Variants in SLC9A3 observed in about 807,000 individuals in gnomAD.
The protein encoded by SLC9A3 is sodium/hydrogen exchanger 3.
Under a neutral mutation model 86.8 loss-of-function variants are expected in SLC9A3, and 37 were observed. The ratio of observed to expected loss-of-function variants is 0.43; its 90% confidence interval spans 0.33 to 0.56. The LOEUF (loss-of-function observed/expected upper bound fraction) is 0.56. Ranked by LOEUF, SLC9A3 falls within the 20% of genes least tolerant of loss-of-function variation. SLC9A3 has a pLI of 0.06. For synonymous variants in SLC9A3, 581 were observed against 528.3 expected (o/e 1.10, Z -1.37); for missense variants, 1,011 against 1,171.9 (o/e 0.86, Z 2.00).
chr5:475,902 G>C, intron 14 of SLC9A3, 118 bp downstream of exon 14: 1 of 917,776 alleles, frequency 1.1e-6, no homozygotes, highest in Non-Finnish European at 1.6e-6. Flanking sequence ...CCCTGCCTGG[G>C]TGGCTGGAGG....
Position 473,307 on chromosome 5 carries a change from ACAG to A in SLC9A3, c.*69_*71del. On this transcript the variant is annotated 3_prime_UTR_variant, in exon 17 of 17. Coordinates refer to ENST00000264938, the MANE Select transcript of SLC9A3 (RefSeq NM_004174.4). ...CGCGGGGATCTGGGGTTTCTCTGGG[ACAG>A]CGGCGGCGGCGGTGGGCGGACCGTG... The A allele has an allele frequency of 2.9e-6, 4 of 1,364,112 alleles. No homozygotes were observed. Among genetic ancestry groups the A allele is most frequent in the South Asian group, 1.7e-5 (1 of 59,534 alleles). The allele number at this position is 1,364,112 out of a possible 1,614,324, so 84.5% of individuals were successfully genotyped here.
At chr5:475,969 T>C in intron 14 of SLC9A3, 51 bp downstream of exon 14, 1 of 1,474,166 alleles carries the variant, frequency 6.8e-7, no homozygotes, top group Non-Finnish European at 9.3e-7. Flanking sequence ...GGGCTGGGGC[T>C]GGGAGGTGGT....
Position 487,815 on chromosome 5 carries a change from G to A in SLC9A3, c.675+501C>T, listed in dbSNP as rs542978115. ...CCCCAGTAGCTGGGATTACAGGCGC[G>A]TGCCACCACCCCTGGCTAATTTTTG... On this transcript the variant is annotated intron_variant, in intron 3 of 16. Transcript: ENST00000264938. 5.3e-3 allele frequency among the ~76,000 whole-genome samples: 804 copies of A among 152,282 alleles called. 1 individual carries two copies. Among genetic ancestry groups the A allele is most frequent in the Non-Finnish European group, 7.6e-3 (520 of 68,030 alleles).
intron 1 of SLC9A3, among the ~76,000 whole-genome samples, chr5:507,928 C>A (rs1213560097): frequency 7.2e-6 from 1 of 139,792 alleles, no homozygotes; most frequent in Admixed American, 7.1e-5. Context: ...ACCCCACAGA[C>A]GCCCGAATCT....
chr5:489,611 C>T (rs1203268483), intron 2 of SLC9A3, among the ~76,000 whole-genome samples: 1 of 152,220 alleles, frequency 6.6e-6, no homozygotes, highest in Non-Finnish European at 1.5e-5. Context: ...GAGGAAGTGA[C>T]AGATGCCAGA....
rs143077741 is a variant in SLC9A3, at chr5:517,942, C to T, written c.211+6170G>A. 2.8e-3 allele frequency among the ~76,000 whole-genome samples: 426 copies of T among 152,240 alleles called. 8 individuals carry two copies. Among genetic ancestry groups the T allele is most frequent in the African/African-American group, 9.7e-3 (404 of 41,548 alleles). ...CATCCATTCACTCCATTCATCCATT[C>T]GCTCATCCACCCTTCCATCCATTTA... is the stretch of plus-strand genomic sequence containing the variant. On this transcript the variant is annotated intron_variant, in intron 1 of 16. Transcript: ENST00000264938.
rs573074261 is a variant in SLC9A3, at chr5:481,836, C to G, written c.1447-201G>C. 3.1e-3 allele frequency among the ~76,000 whole-genome samples: 305 copies of G among 99,578 alleles called. 1 individual carries two copies. The highest frequency in any genetic ancestry group is 5.0e-3 in the Non-Finnish European group (244 of 48,626). The allele number at this position is 99,578 out of a possible 152,430, so 65.3% of individuals were successfully genotyped here. A position where few individuals can be genotyped will look rare whatever the true frequency, so the allele number is the denominator to read the frequency against. Reference sequence around the variant, plus strand: ...CGCCACCCCCCAAGCCCCAGACCAACGCAGCCTCCTCTCCCCTCTCAGCCC... The same window carrying G: ...CGCCACCCCCCAAGCCCCAGACCAAGGCAGCCTCCTCTCCCCTCTCAGCCC... On this transcript the variant is annotated intron_variant, in intron 8 of 16. Coordinates refer to ENST00000264938, the MANE Select transcript of SLC9A3 (RefSeq NM_004174.4).
chr5:483,551 G>GC (rs1167054189), intron 5 of SLC9A3, 69 bp from the exon 6 acceptor site: 2 of 1,105,378 alleles, frequency 1.8e-6, no homozygotes, highest in East Asian at 2.6e-5. Context: ...TGTCCGCCCA[G>GC]CCCCCCACGG....
At chr5:473,465 C>G (rs10474783) in intron 16 of SLC9A3, 83 bp from the exon 17 acceptor site, 4 of 1,189,224 alleles carry the variant, frequency 3.4e-6, no homozygotes, top group African/African-American at 3.2e-5. Flanking sequence ...CAGCTGTCCC[C>G]GAGCCCGGCG....
In SLC9A3 at chr5:475,568, G is replaced by A. The variant is rs1436350864; in HGVS notation, c.2244C>T (p.Ser748=). ...ASVTKDTASD[S]PAGIDNPVFS... The stretch of plus-strand genomic sequence containing the variant: ...CCTGTGCCCCGTCCCCACCTGCAGG[G>A]GAGTCGGACGCTGTGTCCTTGGTGA... Residue 748 remains serine (S), a synonymous_variant, in exon 15 of 17, where the codon TCC becomes TCT. Transcript: ENST00000264938. 1.9e-6 allele frequency: 3 copies of A among 1,543,650 alleles called. No individual in the cohort carries two copies. Among genetic ancestry groups the A allele is most frequent in the African/African-American group, 1.4e-5 (1 of 73,016 alleles).
At chr5:484,758 C>T (rs1009820717) in intron 4 of SLC9A3, 61 bp from the exon 5 acceptor site, 78 of 1,548,414 alleles carry the variant, frequency 5.0e-5, no homozygotes, top group South Asian at 9.0e-5. Flanking sequence ...TGCCAGGGGC[C>T]GCCTGGTGAC....
Position 473,046 on chromosome 5 carries a change from G to T in SLC9A3, c.*333C>A, listed in dbSNP as rs1161119297. 2 of 337,832 alleles carry T rather than the reference G, an allele frequency of 5.9e-6. No homozygotes were observed. The highest frequency in any genetic ancestry group is 1.1e-5 in the Non-Finnish European group (2 of 188,420). 20.9% of individuals were successfully genotyped at this position (337,832 alleles called of 1,614,324 possible). ...CAGCGACGCCAGCTTCAGCAGCGCG[G>T]GGCGGCGGCGCGCGCGAGGCCGCTG... On this transcript the variant is annotated 3_prime_UTR_variant, in exon 17 of 17. Transcript: ENST00000264938.
rs890973 is a variant in SLC9A3 at position 471,379 on chromosome 5, T to C, written c.*2000A>G. 224,675 of 258,534 alleles carry C rather than the reference T, an allele frequency of 0.87. 98,468 individuals are homozygous for C. The highest frequency in any genetic ancestry group is 0.91 in the African/African-American group (41,247 of 45,136). 16.0% of individuals were successfully genotyped at this position (258,534 alleles called of 1,614,324 possible). A position where few individuals can be genotyped will look rare whatever the true frequency, so the allele number is the denominator to read the frequency against. ...GTTCAGCGCCTGGAATCGCCATGCA[T>C]TGCGCGGTGGACCGCACGACGCTCC... On this transcript the variant is annotated 3_prime_UTR_variant, in exon 17 of 17. Transcript: ENST00000264938.
At chr5:500,932 G>A (rs1024002245) in intron 1 of SLC9A3, among the ~76,000 whole-genome samples, 1 of 92,074 alleles carries the variant, frequency 1.1e-5, no homozygotes, top group African/African-American at 4.4e-5. Context: ...ACGGGCCGGT[G>A]TGGACAGGGC....
intron 8 of SLC9A3, 41 bp from the exon 9 acceptor site, chr5:481,676 A>G: frequency 3.2e-6 from 5 of 1,548,344 alleles, no homozygotes; most frequent in Middle Eastern, 1.7e-4. Flanking sequence ...GGGGCGGCCA[A>G]CCGGGGAACA....
In SLC9A3 at chr5:472,564, C is replaced by A. The variant is rs980521546; in HGVS notation, c.*815G>T. On this transcript the variant is annotated 3_prime_UTR_variant, in exon 17 of 17. Coordinates refer to ENST00000264938, the MANE Select transcript of SLC9A3 (RefSeq NM_004174.4). ...GGACGGGCCGTGTCCGGGGCCGCCA[C>A]CCTGAGACCGGGCGCGGGCAGGACG... 6.2e-5 allele frequency: 22 copies of A among 354,918 alleles called. No individual in the cohort carries two copies. The highest frequency in any genetic ancestry group is 4.6e-4 in the Admixed American group (13 of 28,138). The allele number at this position is 354,918 out of a possible 1,614,324, so 22.0% of individuals were successfully genotyped here. A position where few individuals can be genotyped will look rare whatever the true frequency, so the allele number is the denominator to read the frequency against.
In SLC9A3 at chr5:473,252, G is replaced by C. The variant is rs1056424287; in HGVS notation, c.*127C>G. ...GCGCAGGCGCTGGCGTGGGCGAGGCGGGGCTCGGGGCTCGCGGTCGCTGTA... is the reference window on the plus strand; with the variant it reads ...GCGCAGGCGCTGGCGTGGGCGAGGCCGGGCTCGGGGCTCGCGGTCGCTGTA... On this transcript the variant is annotated 3_prime_UTR_variant, in exon 17 of 17. Coordinates refer to ENST00000264938, the MANE Select transcript of SLC9A3 (RefSeq NM_004174.4). 4.8e-6 allele frequency: 5 copies of C among 1,044,262 alleles called. No homozygotes were observed. In the Admixed American group the frequency reaches 2.3e-4, roughly 47 times the overall value. 64.7% of individuals were successfully genotyped at this position (1,044,262 alleles called of 1,614,324 possible).
At position 491,456 on chromosome 5, in the gene SLC9A3, C is replaced by T. The variant is rs373234041; in HGVS notation, c.514+313G>A. 4.2e-4 allele frequency among the ~76,000 whole-genome samples: 64 copies of T among 152,160 alleles called. No individual in the cohort carries two copies. The highest frequency in any genetic ancestry group is 1.3e-3 in the African/African-American group (55 of 41,482). On this transcript the variant is annotated intron_variant, in intron 2 of 16. Coordinates refer to ENST00000264938, the MANE Select transcript of SLC9A3 (RefSeq NM_004174.4). This position sits in a 1 kb window ranked among gnomAD's most constrained non-coding sequence, Gnocchi z 9.2. ...CCTCCTCTCCCTGGGACCTGGTGGC[C>T]GGCGAGTGTGGACGGACCCCTACCT...
chr5:476,303 T>C lies in SLC9A3; in HGVS notation c.1966A>G (p.Thr656Ala). The part of the protein sequence containing the change: ...EKQDREIFHR[T>A]MRKRLESFKS... Reference sequence around the variant, plus strand: ...AAGGACTCCAGGCGCTTCCGCATGGTCCTGTGGAAGATTTCCCGGTCCTGT... The same window carrying C: ...AAGGACTCCAGGCGCTTCCGCATGGCCCTGTGGAAGATTTCCCGGTCCTGT... Residue 656 changes from threonine (T) to alanine (A), a missense_variant, in exon 13 of 17, where the codon ACC becomes GCC. By Grantham distance (58) the Thr-to-Ala change is moderately conservative. Transcript: ENST00000264938. 1 of 1,613,900 alleles carries C rather than the reference T, an allele frequency of 6.2e-7. No homozygotes were observed. The highest frequency in any genetic ancestry group is 8.5e-7 in the Non-Finnish European group (1 of 1,179,952).
Sources: gnomAD v4.1 joint callset for allele counts (sites outside exome capture counted in the v4.1 genomes callset) on GRCh38, gnomAD v4.1.1 for gene constraint, Gnocchi (gnomAD v3.1) non-coding constraint, MANE v1.5 for transcripts, NCBI Gene and HGNC (gene_info 2026-07-23, HGNC 2026-07-21) for gene names.